The following SMG6 variants were observed in gnomAD, a reference collection of about 807,000 sequenced individuals.
SMG6 encodes telomerase-binding protein EST1A.
SMG6 carries 66 observed loss-of-function variants against 142.2 expected under a neutral mutation model. The ratio of observed to expected loss-of-function variants is 0.46; its 90% confidence interval spans 0.38 to 0.57. The LOEUF is 0.57. Ranked by LOEUF, SMG6 falls within the 20% of genes least tolerant of loss-of-function variation. SMG6 has a pLI of 0.00. For synonymous variants in SMG6, 779 were observed against 702.4 expected (o/e 1.11, Z -1.72); for missense variants, 1,793 against 1,832.0 (o/e 0.98, Z 0.39).
chr17:2,150,255 T>C (rs1214597324), intron 13 of SMG6, among the ~76,000 whole-genome samples: 10 of 152,232 alleles, frequency 6.6e-5, no homozygotes, highest in Admixed American at 6.5e-4. Context: ...TAACTAATGC[T>C]GGATGATGGC....
intron 12 of SMG6, among the ~76,000 whole-genome samples, chr17:2,179,037 C>T (rs185929192): frequency 6.6e-6 from 1 of 152,282 alleles, no homozygotes; most frequent in East Asian, 1.9e-4. Context: ...ACAAGGAGTC[C>T]TACGGGAGGC....
At chr17:2,234,722 A>C (rs2169356) in intron 10 of SMG6, among the ~76,000 whole-genome samples, 1 of 150,400 alleles carries the variant, frequency 6.6e-6, no homozygotes, top group Non-Finnish European at 1.5e-5. Flanking sequence ...TATTATTATT[A>C]TTTGAGATGG....
At chr17:2,262,169 G>A (rs2074330057) in intron 8 of SMG6, among the ~76,000 whole-genome samples, 1 of 152,200 alleles carries the variant, frequency 6.6e-6, no homozygotes. Flanking sequence ...CTGTGTGTGT[G>A]AAAGTCAAGA....
At chr17:2,136,010 G>GTA (rs2070286871) in intron 13 of SMG6, among the ~76,000 whole-genome samples, 1 of 146,222 alleles carries the variant, frequency 6.8e-6, no homozygotes, top group South Asian at 2.1e-4. Flanking sequence ...GTGTGTGTGT[G>GTA]TGTGTGTGTG....
rs1160497622 is a variant in SMG6 at position 2,300,215 on chromosome 17, C to T, written c.538G>A (p.Asp180Asn). 3 of 1,614,190 alleles carry T rather than the reference C, an allele frequency of 1.9e-6. No individual in the cohort carries two copies. The South Asian group carries it at 3.3e-5, about 18-fold the overall frequency. Residue 180 changes from aspartate to asparagine, a missense_variant, in exon 2 of 19, where the codon GAT becomes AAT. Physicochemically the swap from Asp to Asn is conservative, Grantham distance 23 (BLOSUM62 1). This residue lies in a region of SMG6 where 1,597 missense variants were observed against 1,584.6 expected (regional missense o/e 1.01). Transcript: ENST00000263073. ...TTCGCAACATTTCCCCTACACTCAT[C>T]TTCCTCTACTCTCAGTTGTTCTACC... ...NQVEQLRVEE[D>N]ECRGNVAKEE...
chr17:2,132,401 C>T (rs375690209), intron 13 of SMG6, among the ~76,000 whole-genome samples: 2 of 152,132 alleles, frequency 1.3e-5, no homozygotes, highest in Admixed American at 1.3e-4. Context: ...GCAGAGAAGC[C>T]CAGTCTACAT....
chr17:2,067,741 C>T (rs2067991268), intron 16 of SMG6, among the ~76,000 whole-genome samples: 1 of 152,144 alleles, frequency 6.6e-6, no homozygotes, highest in African/African-American at 2.4e-5. Flanking sequence ...GTGGTGCTAA[C>T]GTGTTTCCCA....
chr17:2,139,247 G>A (rs2070397901), intron 13 of SMG6, among the ~76,000 whole-genome samples: 1 of 152,144 alleles, frequency 6.6e-6, no homozygotes, highest in African/African-American at 2.4e-5. Flanking sequence ...AAATGGGGTA[G>A]GTAAAATAAA....
At chr17:2,282,405 A>T (rs1317742037) in intron 8 of SMG6, among the ~76,000 whole-genome samples, 6 of 152,090 alleles carry the variant, frequency 3.9e-5, no homozygotes, top group African/African-American at 1.4e-4. Flanking sequence ...AAAAAAAAAA[A>T]AAAAAAAAAA....
intron 13 of SMG6, among the ~76,000 whole-genome samples, chr17:2,159,115 C>A (rs932240073): frequency 1.3e-5 from 2 of 151,986 alleles, no homozygotes; most frequent in African/African-American, 2.4e-5. Context: ...CATCATTATT[C>A]AGGAAAATGA....
At chr17:2,228,614 C>T (rs1487818278) in intron 10 of SMG6, among the ~76,000 whole-genome samples, 3 of 152,184 alleles carry the variant, frequency 2.0e-5, no homozygotes, top group Admixed American at 6.5e-5. Flanking sequence ...CTGCCCGCCT[C>T]GGCCTCCCAA....
intron 10 of SMG6, among the ~76,000 whole-genome samples, chr17:2,199,277 T>C (rs2072436752): frequency 6.6e-6 from 1 of 152,214 alleles, no homozygotes; most frequent in African/African-American, 2.4e-5. Flanking sequence ...GTTTTCTTCA[T>C]AAAGGAAACT....
intron 4 of SMG6, among the ~76,000 whole-genome samples, chr17:2,295,149 A>T (rs1346596712): frequency 1.3e-5 from 2 of 152,136 alleles, no homozygotes; most frequent in Admixed American, 1.3e-4. Context: ...AAGGGCTGGG[A>T]TTAAAGAGTG....
In SMG6 at chr17:2,091,687, TTGA is replaced by T. The variant is rs1188256912; in HGVS notation, c.3358-5789_3358-5787del. Among the ~76,000 whole-genome samples, 8 of 150,532 alleles carry T rather than the reference TTGA, an allele frequency of 5.3e-5. No individual in the cohort carries two copies. The South Asian group carries it at 6.3e-4, about 12-fold the overall frequency. Reference sequence around the variant, plus strand: ...CAGTCTTTTTGCTTTTTTTTTTTTTTTGAGAGAGAGTCTCGCTCTGTTGCCCAG... The same window carrying T: ...CAGTCTTTTTGCTTTTTTTTTTTTTTGAGAGAGTCTCGCTCTGTTGCCCAG... On this transcript the variant is annotated intron_variant, in intron 13 of 18. Transcript: ENST00000263073.
At chr17:2,178,816 AG>A (rs1251730414) in intron 12 of SMG6, among the ~76,000 whole-genome samples, 1 of 152,158 alleles carries the variant, frequency 6.6e-6, no homozygotes, top group Non-Finnish European at 1.5e-5. Context: ...CCACGGCATG[AG>A]TGGAGCCCTC....
chr17:2,085,804 T>G lies in SMG6; in HGVS notation c.3455A>C (p.Lys1152Thr), dbSNP rs745346891. Residue 1152 changes from lysine (K) to threonine (T), a missense_variant, in exon 14 of 19, where the codon AAG (lysine) becomes ACG (threonine). Physicochemically the swap from Lys to Thr is moderately conservative, Grantham distance 78. Transcript: ENST00000263073. The surrounding 1 kb of genome is among the most constrained non-coding windows in gnomAD (Gnocchi z 4.1). ...TGGGACGGGTGCCACTGACACATAC[T>G]TTCCACCCTTGAATGCCAGCAGAGG... ...EEPLLAFKGG[K>T]YVSVAPVPDT... The G allele has an allele frequency of 5.6e-6, 9 of 1,614,030 alleles. No individual in the cohort carries two copies. In the East Asian group the frequency reaches 2.0e-4, roughly 36 times the overall value.
rs2068000533 is a variant in SMG6 at position 2,068,099 on chromosome 17, G to C, written c.3835+679C>G. 6.6e-6 allele frequency among the ~76,000 whole-genome samples: 1 copy of C among 152,180 alleles called. No homozygotes were observed. Among genetic ancestry groups the C allele is most frequent in the African/African-American group, 2.4e-5 (1 of 41,430 alleles). ...CCCACCACAGAGCTCCAAGAACTAA[G>C]GGTACCCAGACGGTCCCGTGGAGAC... is the stretch of plus-strand genomic sequence containing the variant. On this transcript the variant is annotated intron_variant, in intron 16 of 18. Coordinates refer to ENST00000263073, the MANE Select transcript of SMG6 (RefSeq NM_017575.5). This position sits in a 1 kb window ranked among gnomAD's most constrained non-coding sequence, Gnocchi z 6.7.
At chr17:2,185,807 C>T (rs187185561) in intron 12 of SMG6, among the ~76,000 whole-genome samples, 29 of 152,032 alleles carry the variant, frequency 1.9e-4, no homozygotes, top group African/African-American at 6.8e-4. Context: ...AGGGGAGGGA[C>T]GTGGTGAGAA....
At chr17:2,291,192 G>A (rs1371909501) in intron 6 of SMG6, among the ~76,000 whole-genome samples, 4 of 152,112 alleles carry the variant, frequency 2.6e-5, no homozygotes, top group Non-Finnish European at 4.4e-5. Flanking sequence ...CTAGCCGGGC[G>A]TGGTGGCGGG....
Sources: allele counts gnomAD v4.1 joint callset (sites outside exome capture counted in the v4.1 genomes callset), GRCh38; gene constraint gnomAD v4.1.1; regional missense constraint gnomAD v4.1.1; non-coding constraint Gnocchi (gnomAD v3.1); transcripts MANE v1.5; gene names NCBI Gene and HGNC (gene_info 2026-07-23, HGNC 2026-07-21).